Variants in PBX3 observed in about 807,000 individuals in gnomAD.
PBX3 encodes the protein pre-B-cell leukemia transcription factor 3.
Under a neutral mutation model 48.5 loss-of-function variants are expected in PBX3, and 14 were observed. The observed-to-expected ratio is 0.29, with a 90% CI of 0.19 to 0.45. The LOEUF is 0.45. Among genes scored for constraint, PBX3 ranks in the 20% least tolerant of loss-of-function variants. PBX3 has a pLI of 1.00. For synonymous variants in PBX3, 210 were observed against 200.3 expected, an observed-to-expected ratio of 1.05 and a Z score of -0.41; for missense variants, 386 against 546.7, an observed-to-expected ratio of 0.71 and a Z score of 2.93.
intron 2 of PBX3, among the ~76,000 whole-genome samples, chr9:125,852,233 A>G (rs867265559): frequency 2.0e-5 from 3 of 152,146 alleles, no homozygotes; most frequent in Admixed American, 6.6e-5. Context: ...TGCCTTGGCA[A>G]AGGAATGATG....
At chr9:125,906,566 G>A (rs573637051) in intron 2 of PBX3, among the ~76,000 whole-genome samples, 1 of 152,030 alleles carries the variant, frequency 6.6e-6, no homozygotes, top group South Asian at 2.1e-4. Flanking sequence ...ATAGGGGCAG[G>A]GTTCTTGCTC....
intron 2 of PBX3, among the ~76,000 whole-genome samples, chr9:125,852,376 T>C (rs1839607243): frequency 2.0e-5 from 3 of 152,180 alleles, no homozygotes; most frequent in Non-Finnish European, 4.4e-5. Context: ...TTTTTCCCTT[T>C]ATAGTAAAAT....
intron 3 of PBX3, 78 bp from the exon 4 acceptor site, chr9:125,929,577 G>A (rs1588307192): frequency 2.1e-6 from 2 of 968,590 alleles, no homozygotes; most frequent in African/African-American, 1.6e-5. Context: ...TGCAAATGAG[G>A]TGTAAATTCA....
intron 2 of PBX3, among the ~76,000 whole-genome samples, chr9:125,871,676 T>C (rs868598002): frequency 6.6e-6 from 1 of 152,216 alleles, no homozygotes; most frequent in African/African-American, 2.4e-5. Flanking sequence ...GATAAATCTT[T>C]GTATTGATTA....
At chr9:125,908,657 T>TG (rs1383895737) in intron 2 of PBX3, among the ~76,000 whole-genome samples, 1 of 152,072 alleles carries the variant, frequency 6.6e-6, no homozygotes, top group Admixed American at 6.6e-5. Context: ...ATAGAGTAGC[T>TG]GGGGTCACAA....
intron 3 of PBX3, among the ~76,000 whole-genome samples, chr9:125,925,928 A>C (rs1475464000): frequency 6.6e-6 from 1 of 152,186 alleles, no homozygotes; most frequent in Non-Finnish European, 1.5e-5. Flanking sequence ...ACCCACAAAA[A>C]GTTTTTAAGA....
intron 2 of PBX3, among the ~76,000 whole-genome samples, chr9:125,785,351 G>A (rs1837431081): frequency 6.6e-6 from 1 of 152,210 alleles, no homozygotes. Flanking sequence ...TCAGCTGCCA[G>A]TGCAGCTAGA....
At chr9:125,869,604 A>G (rs1023712282) in intron 2 of PBX3, among the ~76,000 whole-genome samples, 2 of 152,216 alleles carry the variant, frequency 1.3e-5, no homozygotes, top group African/African-American at 4.8e-5. Context: ...AATAATTTCA[A>G]AGTGCTAAGA....
chr9:125,747,852 G>T (rs561606779), intron 1 of PBX3, among the ~76,000 whole-genome samples, 199 bp downstream of exon 1: 2 of 151,752 alleles, frequency 1.3e-5, no homozygotes, highest in South Asian at 4.2e-4. Flanking sequence ...AAGTTGCTCT[G>T]GGGGGCTCGG....
chr9:125,909,018 T>A (rs192997583), intron 2 of PBX3, among the ~76,000 whole-genome samples: 164 of 152,264 alleles, frequency 1.1e-3, no homozygotes, highest in Admixed American at 2.6e-3. Context: ...GCCCTAGCCC[T>A]GTTCTCTTCT....
intron 2 of PBX3, among the ~76,000 whole-genome samples, chr9:125,792,058 G>A (rs934831359): frequency 6.7e-6 from 1 of 148,850 alleles, no homozygotes; most frequent in Non-Finnish European, 1.5e-5. Context: ...ACGCACGCAC[G>A]CACGCACGCA....
chr9:125,898,805 A>G (rs1178348284), intron 2 of PBX3, among the ~76,000 whole-genome samples: 2 of 151,872 alleles, frequency 1.3e-5, no homozygotes, highest in Non-Finnish European at 2.9e-5. Flanking sequence ...CAGTTATTTC[A>G]CATTGAATGT....
chr9:125,774,966 A>G (rs2132012255), intron 2 of PBX3, among the ~76,000 whole-genome samples: 1 of 152,186 alleles, frequency 6.6e-6, no homozygotes, highest in East Asian at 1.9e-4. Flanking sequence ...TCCTAGGTTC[A>G]AGCGATTCTC....
chr9:125,836,666 G>A (rs1286980415), intron 2 of PBX3, among the ~76,000 whole-genome samples: 1 of 152,160 alleles, frequency 6.6e-6, no homozygotes, highest in Admixed American at 6.5e-5. Context: ...ACATTGGAAT[G>A]TTCCCAACAT....
chr9:125,947,968 CTT>C (rs1267028582), intron 5 of PBX3, among the ~76,000 whole-genome samples: 1 of 152,182 alleles, frequency 6.6e-6, no homozygotes, highest in Admixed American at 6.5e-5. Context: ...GATTTTCACA[CTT>C]TTCTGTAACT....
At chr9:125,765,206 G>C (rs191089514) in intron 2 of PBX3, among the ~76,000 whole-genome samples, 90 of 150,934 alleles carry the variant, frequency 6.0e-4, no homozygotes, top group Admixed American at 8.6e-4. Flanking sequence ...CTGGAGTGCA[G>C]TGGTACAGTC....
intron 2 of PBX3, among the ~76,000 whole-genome samples, chr9:125,774,193 A>T (rs1039849559): frequency 1.3e-4 from 20 of 152,118 alleles, no homozygotes; most frequent in African/African-American, 4.6e-4. Flanking sequence ...GAGTGTGGGG[A>T]GCTGCTACAC....
At chr9:125,774,154 C>T (rs935577651) in intron 2 of PBX3, among the ~76,000 whole-genome samples, 1 of 152,136 alleles carries the variant, frequency 6.6e-6, no homozygotes, top group Non-Finnish European at 1.5e-5. Flanking sequence ...GGGAAGCCAG[C>T]GTGTCTTACG....
chr9:125,800,750 A>ATTTTTTTTT (rs60068482), intron 2 of PBX3, among the ~76,000 whole-genome samples: 1 of 133,128 alleles, frequency 7.5e-6, no homozygotes, highest in Non-Finnish European at 1.6e-5. Flanking sequence ...CTTGGAATTA[A>ATTTTTTTTT]TTTTTTTTTT....
Sources: gnomAD v4.1 joint callset for allele counts (sites outside exome capture counted in the v4.1 genomes callset) on GRCh38, gnomAD v4.1.1 for gene constraint, MANE v1.5 for transcripts, NCBI Gene and HGNC (gene_info 2026-07-23, HGNC 2026-07-21) for gene names.